Variants in KCNAB1 observed in about 807,000 individuals in gnomAD.
KCNAB1 encodes the protein potassium voltage-gated channel subfamily A regulatory beta subunit 1, also known as voltage-gated potassium channel subunit beta-1.
In KCNAB1, 35 loss-of-function variants were observed where a neutral mutation model predicts 64.6. That is an observed-to-expected ratio of 0.54 (90% CI 0.41 to 0.72). The LOEUF (loss-of-function observed/expected upper bound fraction) is 0.72, where lower values mean the gene tolerates loss of function less well. KCNAB1 is among the 30% of genes least tolerant of loss of function. The probability of loss-of-function intolerance (pLI) is 0.00; values close to 1 mark genes in which losing one functional copy is unlikely to be tolerated. For missense variants in KCNAB1, 401 were observed against 512.9 expected (o/e 0.78, Z 2.11); for synonymous variants, 177 against 183.8 (o/e 0.96, Z 0.30).
chr3:156,172,282 CT>C (rs55927447), intron 1 of KCNAB1, among the ~76,000 whole-genome samples: 4,167 of 143,674 alleles, frequency 0.029, 78 homozygotes, highest in South Asian at 0.035. Flanking sequence ...ATTCAAATGG[CT>C]TTTTTTTTTT....
chr3:156,301,408 G>A (rs1721147951), intron 1 of KCNAB1, among the ~76,000 whole-genome samples: 1 of 152,134 alleles, frequency 6.6e-6, no homozygotes, highest in Admixed American at 6.5e-5. Flanking sequence ...GCACAAGCAC[G>A]TCTGCATGAT....
chr3:156,414,232 A>T (rs1222600360), intron 1 of KCNAB1, among the ~76,000 whole-genome samples: 2 of 152,208 alleles, frequency 1.3e-5, no homozygotes, highest in African/African-American at 4.8e-5. Context: ...CACAGTGAAA[A>T]CTAATTACAG....
intron 1 of KCNAB1, among the ~76,000 whole-genome samples, chr3:156,346,433 T>A (rs183619261): frequency 2.0e-5 from 3 of 152,166 alleles, no homozygotes; most frequent in Non-Finnish European, 4.4e-5. Context: ...CACAAAGAAA[T>A]AAATTAGCAG....
chr3:156,473,681 T>C (rs547131664), intron 7 of KCNAB1, among the ~76,000 whole-genome samples: 30 of 152,274 alleles, frequency 2.0e-4, no homozygotes, highest in Admixed American at 8.5e-4. Flanking sequence ...AGAAAAGTAA[T>C]TGTGGCTGGC....
chr3:156,386,737 C>T (rs1712622990), intron 1 of KCNAB1, among the ~76,000 whole-genome samples: 2 of 152,142 alleles, frequency 1.3e-5, no homozygotes, highest in Admixed American at 1.3e-4. Flanking sequence ...TTAAAGTCAC[C>T]TCACCTCATC....
chr3:156,250,511 C>T (rs1218479205), intron 1 of KCNAB1, among the ~76,000 whole-genome samples: 2 of 152,164 alleles, frequency 1.3e-5, no homozygotes, highest in Non-Finnish European at 2.9e-5. Context: ...TTTTTGTGCA[C>T]CCACTCCAAA....
rs1249574530 is a variant in KCNAB1, at chr3:156,452,967, T to A, written c.357+31T>A. The A allele has an allele frequency of 2.3e-5, 35 of 1,521,528 alleles. No homozygotes were observed. The highest frequency in any genetic ancestry group is 3.0e-5 in the Non-Finnish European group (33 of 1,103,734). 94.3% of individuals were successfully genotyped at this position (1,521,528 alleles called of 1,614,324 possible). On this transcript the variant is annotated intron_variant, in intron 3 of 13. Transcript: ENST00000490337. This position sits in a 1 kb window ranked among gnomAD's most constrained non-coding sequence, Gnocchi z 4.6. ...TTACCTTTGGCCTCTATTATGCTAA[T>A]GAAAGAAAATGCAGAGAGAGCTGTA...
At chr3:156,186,876 G>A (rs1402384723) in intron 1 of KCNAB1, among the ~76,000 whole-genome samples, 2 of 149,146 alleles carry the variant, frequency 1.3e-5, no homozygotes, top group African/African-American at 5.0e-5. Flanking sequence ...TCTGGAGATG[G>A]AGTCTCACTC....
At chr3:156,274,462 C>G (rs1719218340) in intron 1 of KCNAB1, among the ~76,000 whole-genome samples, 1 of 151,990 alleles carries the variant, frequency 6.6e-6, no homozygotes, top group South Asian at 2.1e-4. Flanking sequence ...ATTACATGGA[C>G]ATTGTAAAAA....
At chr3:156,177,676 C>A (rs1314239642) in intron 1 of KCNAB1, among the ~76,000 whole-genome samples, 1 of 151,706 alleles carries the variant, frequency 6.6e-6, no homozygotes, top group Non-Finnish European at 1.5e-5. Context: ...TGCGCCCGGC[C>A]GTTTTTAATT....
At chr3:156,155,224 C>A (rs1715649085) in intron 1 of KCNAB1, among the ~76,000 whole-genome samples, 1 of 152,174 alleles carries the variant, frequency 6.6e-6, no homozygotes, top group South Asian at 2.1e-4. Flanking sequence ...CCTGCCACCA[C>A]CCCTCACACA....
At chr3:156,507,616 C>A (rs992724038) in intron 8 of KCNAB1, among the ~76,000 whole-genome samples, 1 of 152,178 alleles carries the variant, frequency 6.6e-6, no homozygotes, top group African/African-American at 2.4e-5. Flanking sequence ...AGCTTCAAAG[C>A]AGTACAGTTA....
intron 1 of KCNAB1, among the ~76,000 whole-genome samples, chr3:156,372,796 G>T (rs994091146): frequency 3.9e-5 from 6 of 152,230 alleles, no homozygotes; most frequent in African/African-American, 1.4e-4. Flanking sequence ...TGGGGTTAGG[G>T]AATGCCAAGG....
chr3:156,330,980 TGC>T (rs1723292814), intron 1 of KCNAB1, among the ~76,000 whole-genome samples: 1 of 152,156 alleles, frequency 6.6e-6, no homozygotes, highest in South Asian at 2.1e-4. Context: ...AACAGTTGTG[TGC>T]AGGGTAGGGA....
At chr3:156,376,654 G>T (rs940016356) in intron 1 of KCNAB1, among the ~76,000 whole-genome samples, 8 of 152,200 alleles carry the variant, frequency 5.3e-5, no homozygotes, top group African/African-American at 1.9e-4. Context: ...TAAAAAAGAG[G>T]TAAGCCCCTG....
chr3:156,140,040 T>C (rs1714615594), intron 1 of KCNAB1, among the ~76,000 whole-genome samples: 2 of 152,232 alleles, frequency 1.3e-5, no homozygotes, highest in African/African-American at 4.8e-5. Flanking sequence ...TTTTTTCTCA[T>C]TATCTAAAAA....
intron 1 of KCNAB1, among the ~76,000 whole-genome samples, chr3:156,233,864 C>T (rs1245520537): frequency 6.6e-6 from 1 of 151,840 alleles, no homozygotes; most frequent in Non-Finnish European, 1.5e-5. Flanking sequence ...AGTGGCACTG[C>T]CTTTTCTTGA....
chr3:156,139,593 T>TTG (rs1577627031), intron 1 of KCNAB1, among the ~76,000 whole-genome samples: 1 of 145,446 alleles, frequency 6.9e-6, no homozygotes, highest in Non-Finnish European at 1.5e-5. Context: ...TGTTTTTTTT[T>TTG]TTTTTTTTTT....
At chr3:156,215,204 C>G (rs565121945) in intron 1 of KCNAB1, among the ~76,000 whole-genome samples, 1 of 152,146 alleles carries the variant, frequency 6.6e-6, no homozygotes, top group Non-Finnish European at 1.5e-5. Flanking sequence ...AGTTAGGTAA[C>G]TTGCAGAATG....
Sources: allele counts gnomAD v4.1 joint callset (sites outside exome capture counted in the v4.1 genomes callset), GRCh38; gene constraint gnomAD v4.1.1; non-coding constraint Gnocchi (gnomAD v3.1); transcripts MANE v1.5; gene names NCBI Gene and HGNC (gene_info 2026-07-23, HGNC 2026-07-21).